Variants in MALRD1 observed in about 807,000 individuals in gnomAD.
MALRD1 encodes the protein MAM and LDL-receptor class A domain-containing protein 1.
MALRD1 carries 247 observed loss-of-function variants against 242.1 expected under a neutral mutation model. The ratio of observed to expected loss-of-function variants is 1.02; its 90% CI spans 0.92 to 1.13. The LOEUF is 1.13. Among genes scored for constraint, MALRD1 ranks in the 50% most tolerant of loss-of-function variants. The pLI is 0.00. For synonymous variants in MALRD1, 995 were observed against 866.6 expected, an observed-to-expected ratio of 1.15 and a Z score of -2.60; for missense variants, 2,989 against 2,533.1, an observed-to-expected ratio of 1.18 and a Z score of -3.86.
intron 28 of MALRD1, among the ~76,000 whole-genome samples, chr10:19,445,312 A>T (rs1277720560): frequency 1.3e-5 from 2 of 152,104 alleles, no homozygotes; most frequent in Non-Finnish European, 2.9e-5. Context: ...ACTTCTGTCA[A>T]TTTGTCAAAG....
intron 24 of MALRD1, among the ~76,000 whole-genome samples, chr10:19,347,428 A>C (rs1591346): frequency 0.77 from 117,335 of 152,072 alleles, 45,647 homozygotes; most frequent in African/African-American, 0.85. Context: ...TAATAAACTT[A>C]ATAAATTTCT....
chr10:19,404,746 A>C (rs1434748926), intron 28 of MALRD1, among the ~76,000 whole-genome samples: 1 of 152,124 alleles, frequency 6.6e-6, no homozygotes, highest in African/African-American at 2.4e-5. Flanking sequence ...CTGTTTCTGA[A>C]ATAATTTGTT....
At chr10:19,538,820 C>T (rs566693533) in intron 32 of MALRD1, among the ~76,000 whole-genome samples, 21 of 151,548 alleles carry the variant, frequency 1.4e-4, no homozygotes, top group African/African-American at 4.8e-4. Flanking sequence ...CTAAAACTTC[C>T]GTGATCACAG....
intron 31 of MALRD1, 96 bp from the exon 32 acceptor site, chr10:19,531,098 A>T: frequency 9.8e-7 from 1 of 1,020,242 alleles, no homozygotes; most frequent in Non-Finnish European, 1.4e-6. Context: ...GTGTGTATGT[A>T]TAAGGATAAA....
intron 36 of MALRD1, among the ~76,000 whole-genome samples, chr10:19,637,437 TA>T (rs1840187201): frequency 6.6e-6 from 1 of 152,150 alleles, no homozygotes; most frequent in Non-Finnish European, 1.5e-5. Context: ...TCAAGTTGAT[TA>T]ATTGTCACCA....
intron 31 of MALRD1, among the ~76,000 whole-genome samples, chr10:19,530,398 ATAT>A (rs1469535588): frequency 0.011 from 419 of 39,832 alleles, 27 homozygotes; most frequent in African/African-American, 0.033. Context: ...ATTTATATAA[ATAT>A]TATATATTTA....
At chr10:19,134,523 GAT>G (rs1833251359) in intron 9 of MALRD1, among the ~76,000 whole-genome samples, 1 of 150,830 alleles carries the variant, frequency 6.6e-6, no homozygotes, top group African/African-American at 2.4e-5. Flanking sequence ...GCACCAACAT[GAT>G]ATATGGAATG....
chr10:19,150,777 T>C (rs767689317), intron 11 of MALRD1, among the ~76,000 whole-genome samples: 23 of 152,246 alleles, frequency 1.5e-4, no homozygotes, highest in Non-Finnish European at 2.6e-4. Flanking sequence ...TAGTCTGTGA[T>C]ACTGGATTCA....
At chr10:19,433,194 A>C (rs1490132446) in intron 28 of MALRD1, among the ~76,000 whole-genome samples, 2 of 152,178 alleles carry the variant, frequency 1.3e-5, no homozygotes, top group Non-Finnish European at 2.9e-5. Context: ...GCTAAGAAGG[A>C]GAAGTATATC....
intron 21 of MALRD1, among the ~76,000 whole-genome samples, chr10:19,313,071 C>G (rs1842498016): frequency 6.6e-6 from 1 of 151,366 alleles, no homozygotes; most frequent in South Asian, 2.1e-4. Flanking sequence ...TTTTAACAAG[C>G]AACATGGTGA....
Position 19,108,387 on chromosome 10 carries a change from C to CTTTTTTTTTTTTTTTT in MALRD1, c.694+4335_694+4350dup, listed in dbSNP as rs35948766. Among the ~76,000 whole-genome samples the CTTTTTTTTTTTTTTTT allele has an allele frequency of 4.6e-4, 9 of 19,764 alleles. 4 individuals are homozygous for CTTTTTTTTTTTTTTTT. The highest frequency in any genetic ancestry group is 7.2e-4 in the Non-Finnish European group (9 of 12,506). 13.0% of individuals were successfully genotyped at this position (19,764 alleles called of 152,430 possible). A position where few individuals can be genotyped will look rare whatever the true frequency, so the allele number is the denominator to read the frequency against. ...TTATTGAGCTCATGAATTGTTTTTT[C>CTTTTTTTTTTTTTTTT]TTTTTTTTTTTTTTTTTTTTTTTTT... On this transcript the variant is annotated intron_variant, in intron 5 of 39. Transcript: ENST00000454679.
At chr10:19,072,920 T>C (rs1835200160) in intron 2 of MALRD1, among the ~76,000 whole-genome samples, 1 of 151,790 alleles carries the variant, frequency 6.6e-6, no homozygotes. Context: ...CTTCCCCCCC[T>C]TTTTTTTCTG....
At chr10:19,158,733 T>A (rs1346952200) in intron 12 of MALRD1, among the ~76,000 whole-genome samples, 1 of 152,132 alleles carries the variant, frequency 6.6e-6, no homozygotes, top group East Asian at 1.9e-4. Context: ...AACAAAATGT[T>A]GTTTAGTGGG....
At position 19,238,484 on chromosome 10, in the gene MALRD1, T is replaced by A. The variant is rs1198110015; in HGVS notation, c.2992-19200T>A. The stretch of plus-strand genomic sequence containing the variant: ...ATATAATATAATATATAATATACAT[T>A]ATATATAATATATAATATAATATAT... On this transcript the variant is annotated intron_variant, in intron 18 of 39. Coordinates refer to ENST00000454679, the MANE Select transcript of MALRD1 (RefSeq NM_001142308.3). 4.6e-4 allele frequency among the ~76,000 whole-genome samples: 9 copies of A among 19,764 alleles called. 1 individual carries two copies. The highest frequency in any genetic ancestry group is 2.1e-3 in the African/African-American group (6 of 2,878). The allele number at this position is 19,764 out of a possible 152,430, so 13.0% of individuals were successfully genotyped here.
At chr10:19,088,308 A>T (rs1835746284) in intron 4 of MALRD1, 123 bp downstream of exon 4, 1 of 877,990 alleles carries the variant, frequency 1.1e-6, no homozygotes, top group Non-Finnish European at 1.5e-6. Context: ...ATTTCCCAGG[A>T]CTTTCAAATG....
chr10:19,490,677 A>T (rs1487398424), intron 29 of MALRD1, among the ~76,000 whole-genome samples: 1 of 152,148 alleles, frequency 6.6e-6, no homozygotes, highest in Non-Finnish European at 1.5e-5. Context: ...TATCAAATTA[A>T]ATTCAGATCA....
At chr10:19,271,685 C>T (rs1588826590) in intron 19 of MALRD1, among the ~76,000 whole-genome samples, 1 of 152,022 alleles carries the variant, frequency 6.6e-6, no homozygotes, top group African/African-American at 2.4e-5. Context: ...ATCACTTGAA[C>T]CCGGGAGGTG....
intron 5 of MALRD1, among the ~76,000 whole-genome samples, chr10:19,116,824 C>T (rs554726501): frequency 4.7e-4 from 71 of 152,156 alleles, no homozygotes; most frequent in African/African-American, 1.7e-3. Context: ...CACAGTGGCT[C>T]ACACCTGTAG....
intron 36 of MALRD1, among the ~76,000 whole-genome samples, chr10:19,659,849 G>A (rs1393985031): frequency 6.6e-6 from 1 of 152,096 alleles, no homozygotes; most frequent in Non-Finnish European, 1.5e-5. Flanking sequence ...ACACTCTACT[G>A]AGGTAGAAAA....
Sources: gnomAD v4.1 joint callset for allele counts (sites outside exome capture counted in the v4.1 genomes callset) on GRCh38, gnomAD v4.1.1 for gene constraint, MANE v1.5 for transcripts, NCBI Gene and HGNC (gene_info 2026-07-23, HGNC 2026-07-21) for gene names.